Variants in CCDC30 observed in about 807,000 individuals in gnomAD.
The protein encoded by CCDC30 is coiled-coil domain containing 30.
CCDC30 carries 70 observed loss-of-function variants against 100.2 expected under a neutral mutation model. The ratio of observed to expected loss-of-function variants is 0.70; its 90% CI spans 0.58 to 0.85. The LOEUF (loss-of-function observed/expected upper bound fraction) is 0.85. CCDC30 is among the 40% of genes least tolerant of loss of function. The probability of loss-of-function intolerance (pLI) is 0.00; values close to 1 mark genes in which losing one functional copy is unlikely to be tolerated. For missense variants in CCDC30, 652 were observed against 771.2 expected (o/e 0.85, Z 1.83); for synonymous variants, 233 against 269.5 (o/e 0.86, Z 1.33).
chr1:42,639,696 C>A (rs930361100), intron 12 of CCDC30, among the ~76,000 whole-genome samples: 1 of 152,142 alleles, frequency 6.6e-6, no homozygotes. Context: ...GGAAATAATC[C>A]CTACCTTACA....
At chr1:42,533,658 A>G (rs1644844616) in intron 6 of CCDC30, among the ~76,000 whole-genome samples, 1 of 152,220 alleles carries the variant, frequency 6.6e-6, no homozygotes. Flanking sequence ...AACCGCTTCC[A>G]CCTACAGGTG....
the CCDC30 span, chr1:42,457,465 A>G: frequency 1.1e-6 from 1 of 880,708 alleles, no homozygotes; most frequent in Non-Finnish European, 1.9e-6. Flanking sequence ...CAGGGGATAC[A>G]GAGATGAATA....
chr1:42,581,332 T>C (rs1276397047), intron 8 of CCDC30, 28 bp from the exon 13 acceptor site: 1 of 1,576,504 alleles, frequency 6.3e-7, no homozygotes, highest in African/African-American at 1.4e-5. Context: ...TTCTTAATGC[T>C]TTACTTGTAA....
chr1:42,459,158 T>TG (rs1643329938), upstream of CCDC30: 1 of 144,138 alleles, frequency 6.9e-6, no homozygotes, highest in African/African-American at 2.6e-5. Context: ...GCCAAGGCTT[T>TG]TTTTTTTTTT....
At chr1:42,581,985 G>A (rs1245093224) in intron 9 of CCDC30, among the ~76,000 whole-genome samples, 2 of 151,778 alleles carry the variant, frequency 1.3e-5, no homozygotes, top group Non-Finnish European at 2.9e-5. Context: ...ACTCCGGGAT[G>A]CCGAGGTAGG....
chr1:42,560,379 T>G (rs539400138), intron 6 of CCDC30, among the ~76,000 whole-genome samples: 149 of 152,176 alleles, frequency 9.8e-4, no homozygotes, highest in African/African-American at 3.6e-3. Context: ...TGTTGTTGTT[T>G]TTGTTGTTGA....
At chr1:42,459,655 C>T (rs926738947), upstream of CCDC30, 1 of 1,614,082 alleles carries the variant, frequency 6.2e-7, no homozygotes, top group South Asian at 1.1e-5. Context: ...AAAGATTGGG[C>T]TCCCAAAGCA....
rs1645861907 is a variant in CCDC30 at position 42,577,383 on chromosome 1, T to G, written c.846+154T>G. On this transcript the variant is annotated intron_variant, in intron 8 of 16. Transcript: ENST00000668663. ...TGTTTTCTTCTGTTTTGATTTCACC[T>G]GTTCCTACAATTTTAGGAATTCTTG... 2.0e-5 allele frequency among the ~76,000 whole-genome samples: 3 copies of G among 152,248 alleles called. No homozygotes were observed. In the South Asian group the frequency reaches 6.2e-4, roughly 32 times the overall value.
At chr1:42,566,111 T>A (rs893219748) in intron 6 of CCDC30, among the ~76,000 whole-genome samples, 185 bp from the exon 11 acceptor site, 2 of 152,228 alleles carry the variant, frequency 1.3e-5, no homozygotes, top group African/African-American at 4.8e-5. Context: ...ATAACATGTA[T>A]TATATGAACA....
the CCDC30 span, chr1:42,456,692 G>A: frequency 6.2e-6 from 10 of 1,607,060 alleles, no homozygotes; most frequent in Non-Finnish European, 7.6e-6. Context: ...GGTTACGTCA[G>A]GCGGCACCAA....
At chr1:42,514,560 A>C (rs1387919566) in intron 6 of CCDC30, among the ~76,000 whole-genome samples, 3 of 152,162 alleles carry the variant, frequency 2.0e-5, no homozygotes, top group Admixed American at 2.0e-4. Flanking sequence ...AAATTTTTTC[A>C]AATCCTTTAC....
chr1:42,536,528 A>G (rs1644907624), intron 6 of CCDC30: 2 of 1,527,896 alleles, frequency 1.3e-6, no homozygotes, highest in Non-Finnish European at 1.8e-6. Flanking sequence ...GAGTGGTCAA[A>G]AGAGAGAGAG....
intron 10 of CCDC30, among the ~76,000 whole-genome samples, chr1:42,604,032 C>T (rs1646456820): frequency 6.6e-6 from 1 of 151,960 alleles, no homozygotes; most frequent in South Asian, 2.1e-4. Flanking sequence ...CCAACCTGAG[C>T]AACATAGTAA....
At position 42,530,865 on chromosome 1, in the gene CCDC30, G is replaced by C. The variant is rs557133329; in HGVS notation, c.456+31949G>C. On this transcript the variant is annotated intron_variant, in intron 6 of 16. Transcript: ENST00000668663. ...CTCCCTCAGATATCAAGGGAGGACT[G>C]TATAGAGGGTTTGGTACCATTGGGA... 2.0e-5 allele frequency among the ~76,000 whole-genome samples: 3 copies of C among 152,308 alleles called. No individual in the cohort carries two copies. In the South Asian group the frequency reaches 6.2e-4, roughly 32 times the overall value.
intron 6 of CCDC30, among the ~76,000 whole-genome samples, chr1:42,544,525 T>C (rs958926888): frequency 3.9e-5 from 6 of 152,224 alleles, no homozygotes; most frequent in African/African-American, 1.4e-4. Flanking sequence ...TTTTTTATTT[T>C]TATTTTTGAG....
chr1:42,644,900 C>T, intron 14 of CCDC30, 93 bp downstream of exon 18: 1 of 790,796 alleles, frequency 1.3e-6, no homozygotes, highest in East Asian at 2.6e-5. Context: ...CTTTATATAG[C>T]TGTAGCTGGG....
chr1:42,612,568 A>C (rs1329755945), intron 11 of CCDC30, among the ~76,000 whole-genome samples: 1 of 152,184 alleles, frequency 6.6e-6, no homozygotes, highest in Non-Finnish European at 1.5e-5. Context: ...TGTTCACATA[A>C]GCATATTCCT....
chr1:42,531,490 A>G (rs769820344), intron 6 of CCDC30, among the ~76,000 whole-genome samples: 2 of 152,180 alleles, frequency 1.3e-5, no homozygotes, highest in African/African-American at 2.4e-5. Context: ...GCTGGGCACA[A>G]TGACTCACAC....
intron 11 of CCDC30, among the ~76,000 whole-genome samples, chr1:42,633,582 C>A (rs749461430): frequency 3.9e-5 from 6 of 152,128 alleles, no homozygotes; most frequent in Non-Finnish European, 7.4e-5. Context: ...CACCAGGAAA[C>A]CGGGAGGGAG....
Sources: gnomAD v4.1 joint callset for allele counts (sites outside exome capture counted in the v4.1 genomes callset) on GRCh38, gnomAD v4.1.1 for gene constraint, MANE v1.5 for transcripts, NCBI Gene and HGNC (gene_info 2026-07-23, HGNC 2026-07-21) for gene names.